MTMR9: variants seen among roughly 807,000 people sequenced by gnomAD.
MTMR9 encodes myotubularin related protein 9, also known as myotubularin-related protein 9.
Under a neutral mutation model 69.5 loss-of-function variants are expected in MTMR9, and 39 were observed. The ratio of observed to expected loss-of-function variants is 0.56; its 90% CI spans 0.43 to 0.73. The LOEUF (loss-of-function observed/expected upper bound fraction) is 0.73, where lower values mean the gene tolerates loss of function less well. Ranked by LOEUF, MTMR9 falls within the 30% of genes least tolerant of loss-of-function variation. MTMR9 has a pLI of 0.00. For synonymous variants in MTMR9, 354 were observed against 240.8 expected, an observed-to-expected ratio of 1.47 and a Z score of -4.35; for missense variants, 900 against 671.2, an observed-to-expected ratio of 1.34 and a Z score of -3.77.
intron 3 of MTMR9, 78 bp from the exon 4 acceptor site, chr8:11,304,763 A>G (rs1799877728): frequency 6.9e-7 from 1 of 1,441,532 alleles, no homozygotes; most frequent in Non-Finnish European, 9.6e-7. Flanking sequence ...GTTGACCTCT[A>G]AGGTCTTTTA....
At chr8:11,310,159 A>G (rs1238302764) in intron 6 of MTMR9, among the ~76,000 whole-genome samples, 2 of 152,186 alleles carry the variant, frequency 1.3e-5, no homozygotes, top group Non-Finnish European at 2.9e-5. Context: ...GATATGTGCG[A>G]TTACATCTGG....
intron 1 of MTMR9, among the ~76,000 whole-genome samples, chr8:11,291,929 G>A (rs563735588): frequency 2.6e-5 from 4 of 152,124 alleles, no homozygotes; most frequent in African/African-American, 9.6e-5. Context: ...ATATATATTT[G>A]AAGTGTAAAC....
At chr8:11,319,958 G>A in intron 9 of MTMR9, 120 bp downstream of exon 9, 1 of 912,700 alleles carries the variant, frequency 1.1e-6, no homozygotes, top group Non-Finnish European at 1.6e-6. Flanking sequence ...AGACCTGTGT[G>A]AATTGTCATT....
chr8:11,332,100 A>C (rs757413782), downstream of MTMR9: 82 of 1,611,742 alleles, frequency 5.1e-5, no homozygotes, highest in Non-Finnish European at 6.9e-5. Context: ...CAGCTGTGAG[A>C]GGACAGGGAA....
intron 3 of MTMR9, among the ~76,000 whole-genome samples, chr8:11,301,464 A>C (rs55731352): frequency 0.027 from 4,072 of 152,342 alleles, 173 homozygotes; most frequent in African/African-American, 0.09. Context: ...TAAAAAAGAT[A>C]AACCTAGACC....
chr8:11,336,904 A>C, the MTMR9 span, among the ~76,000 whole-genome samples: 1 of 152,298 alleles, frequency 6.6e-6, no homozygotes, highest in African/African-American at 2.4e-5. Context: ...CCAACTGTTT[A>C]GCTTGGAAAG....
chr8:11,332,709 C>T (rs182332407), downstream of MTMR9, among the ~76,000 whole-genome samples: 1 of 151,992 alleles, frequency 6.6e-6, no homozygotes, highest in East Asian at 1.9e-4. Flanking sequence ...TCAAGCAATT[C>T]TCCTACATCA....
At chr8:11,329,164 C>T (rs1437332157), downstream of MTMR9, among the ~76,000 whole-genome samples, 6 of 152,232 alleles carry the variant, frequency 3.9e-5, no homozygotes, top group Admixed American at 2.0e-4. Flanking sequence ...AAGGCTGAGG[C>T]AGGAGGATCA....
chr8:11,285,122 G>A (rs1438254265), intron 1 of MTMR9, 52 bp downstream of exon 1: 1 of 1,463,788 alleles, frequency 6.8e-7, no homozygotes, highest in South Asian at 1.4e-5. Context: ...TCCCTTGTGG[G>A]CGCCCCGGGA....
At chr8:11,317,401 A>G (rs1165649872) in intron 8 of MTMR9, 2 of 152,226 alleles carry the variant, frequency 1.3e-5, no homozygotes, top group African/African-American at 2.4e-5. Context: ...TTTGGGGTGA[A>G]ACTGTTCCAT....
chr8:11,334,041 C>T, the MTMR9 span, among the ~76,000 whole-genome samples: 2 of 152,206 alleles, frequency 1.3e-5, no homozygotes, highest in African/African-American at 2.4e-5. Flanking sequence ...CTGTCTCACA[C>T]ACTGTCTTGT....
chr8:11,307,661 C>G (rs1219186230), intron 5 of MTMR9, among the ~76,000 whole-genome samples: 1 of 152,206 alleles, frequency 6.6e-6, no homozygotes, highest in Non-Finnish European at 1.5e-5. Context: ...TACATTCCCA[C>G]CAGCATTGTA....
chr8:11,332,253 A>G (rs1172227488), downstream of MTMR9: 3 of 1,371,012 alleles, frequency 2.2e-6, no homozygotes, highest in East Asian at 2.5e-5. Flanking sequence ...TCTAACTTCC[A>G]TAGCACATTA....
intron 3 of MTMR9, among the ~76,000 whole-genome samples, chr8:11,302,219 C>G (rs1799768349): frequency 1.6e-5 from 2 of 125,896 alleles, no homozygotes; most frequent in Admixed American, 9.4e-5. Flanking sequence ...TGCCGCTGCA[C>G]TCCAGCCTGG....
At chr8:11,309,941 G>A (rs116828951) in intron 6 of MTMR9, among the ~76,000 whole-genome samples, 7 of 147,944 alleles carry the variant, frequency 4.7e-5, no homozygotes, top group Admixed American at 2.7e-4. Context: ...TAATGGACCC[G>A]TTTTTTTTTT....
At chr8:11,332,117 G>A (rs1801259042), downstream of MTMR9, 4 of 1,611,860 alleles carry the variant, frequency 2.5e-6, no homozygotes, top group Non-Finnish European at 3.4e-6. Context: ...GGAAGGTGGA[G>A]GAGTGAGATA....
Position 11,284,888 on chromosome 8 carries a change from C to A in MTMR9, c.-1C>A, listed in dbSNP as rs1165195681. On this transcript the variant is annotated 5_prime_UTR_variant, in exon 1 of 10. Transcript: ENST00000221086. ...TTCCCTGGCTCCGGCCGCGGGGGAG[C>A]ATGGAGTTTGCGGAGCTGATTAAGA... The A allele has an allele frequency of 6.3e-7, 1 of 1,596,744 alleles. No individual in the cohort carries two copies. The highest frequency in any genetic ancestry group is 8.5e-7 in the Non-Finnish European group (1 of 1,171,898).
intron 3 of MTMR9, 103 bp from the exon 4 acceptor site, chr8:11,304,738 T>C: frequency 8.7e-7 from 1 of 1,151,164 alleles, no homozygotes; most frequent in South Asian, 1.5e-5. Flanking sequence ...AGAAATGGCT[T>C]CTTCATCAGT....
the MTMR9 span, among the ~76,000 whole-genome samples, chr8:11,339,020 C>T: frequency 6.6e-6 from 1 of 152,174 alleles, no homozygotes; most frequent in Non-Finnish European, 1.5e-5. Flanking sequence ...ATATAGTGTC[C>T]AGGTTATAGG....
Sources: allele counts gnomAD v4.1 joint callset (sites outside exome capture counted in the v4.1 genomes callset), GRCh38; gene constraint gnomAD v4.1.1; transcripts MANE v1.5; gene names NCBI Gene and HGNC (gene_info 2026-07-23, HGNC 2026-07-21).